The following C9 variants were observed in gnomAD, a reference collection of about 807,000 sequenced individuals.
The protein encoded by C9 is complement C9.
A neutral mutation model predicts 65.4 loss-of-function variants in C9; 63 were observed. That is an observed-to-expected ratio of 0.96 (90% CI 0.79 to 1.19). The LOEUF (loss-of-function observed/expected upper bound fraction) is 1.19. Among genes scored for constraint, C9 ranks in the 50% most tolerant of loss-of-function variants. The pLI, the probability that C9 is intolerant of heterozygous loss-of-function variation, is 0.00. For synonymous variants in C9, 229 were observed against 227.9 expected, an observed-to-expected ratio of 1.00 and a Z score of -0.04; for missense variants, 744 against 670.1, an observed-to-expected ratio of 1.11 and a Z score of -1.22.
chr5:39,314,492 A>T (rs967798777), intron 6 of C9, among the ~76,000 whole-genome samples: 5 of 151,786 alleles, frequency 3.3e-5, no homozygotes, highest in Non-Finnish European at 2.9e-5. Context: ...TTAAAATTAA[A>T]AACCCTCAAG....
intron 4 of C9, among the ~76,000 whole-genome samples, chr5:39,333,881 C>T (rs191487519): frequency 7.2e-5 from 11 of 152,290 alleles, no homozygotes; most frequent in East Asian, 3.9e-4. Context: ...CCTGAGTTGC[C>T]GGGATTGCAG....
chr5:39,341,575 A>C lies in C9; in HGVS notation c.309T>G (p.Asn103Lys). 1 of 1,614,066 alleles carries C rather than the reference A, an allele frequency of 6.2e-7. No homozygotes were observed. Residue 103 changes from asparagine (N) to lysine (K), a missense_variant, in exon 3 of 11, where the codon AAT (asparagine) becomes AAG (lysine). Asn to Lys is a moderately conservative substitution (Grantham distance 94). Coordinates refer to ENST00000263408, the MANE Select transcript of C9 (RefSeq NM_001737.5). ...GATTACCTGTACTGCATTGAAAGTC[A>C]TTTCCGCAGTCATCCTCAGCATCCT... ...PCEDAEDDCGNDFQCSTGRCI... is the reference protein window; with the variant it reads ...PCEDAEDDCGKDFQCSTGRCI...
intron 8 of C9, among the ~76,000 whole-genome samples, chr5:39,307,163 T>A (rs543415617): frequency 8.2e-4 from 125 of 152,308 alleles, no homozygotes; most frequent in African/African-American, 2.8e-3. Flanking sequence ...ATTGTGTACA[T>A]TTGCTTTGAT....
At chr5:39,354,093 T>C (rs1754373914) in intron 1 of C9, among the ~76,000 whole-genome samples, 1 of 152,212 alleles carries the variant, frequency 6.6e-6, no homozygotes, top group Non-Finnish European at 1.5e-5. Context: ...AGCTTCATCT[T>C]CTAAAATTGC....
intron 5 of C9, among the ~76,000 whole-genome samples, chr5:39,329,831 G>A (rs1256426003): frequency 6.6e-6 from 1 of 152,140 alleles, no homozygotes; most frequent in Non-Finnish European, 1.5e-5. Flanking sequence ...ATTTCATTAA[G>A]TAGTAGGAAT....
intron 1 of C9, among the ~76,000 whole-genome samples, chr5:39,348,877 T>C (rs1754262727): frequency 6.6e-6 from 1 of 152,154 alleles, no homozygotes; most frequent in African/African-American, 2.4e-5. Flanking sequence ...TGTAGGGACA[T>C]GGATAAAGCT....
In C9 at chr5:39,341,648, G is replaced by C; in HGVS notation, c.236C>G (p.Thr79Ser). 1 of 1,613,730 alleles carries C rather than the reference G, an allele frequency of 6.2e-7. No individual in the cohort carries two copies. The highest frequency in any genetic ancestry group is 1.7e-5 in the Admixed American group (1 of 60,014). ...CTGTCGTCTGTCTCCCACAGCGTCG[G>C]TGCATCTTTTCCCATTAAATTGTCC... is the stretch of plus-strand genomic sequence containing the variant. ...VFGQFNGKRC[T>S]DAVGDRRQCV... is the part of the protein sequence containing the mutation. The change falls in exon 3 of 11, where the codon ACC (threonine) becomes AGC (serine). Residue 79 changes from threonine (T) to serine (S), a missense_variant. By Grantham distance (58) the Thr-to-Ser change is moderately conservative. Coordinates refer to ENST00000263408, the MANE Select transcript of C9 (RefSeq NM_001737.5).
chr5:39,290,787 A>G (rs998851862), intron 9 of C9, among the ~76,000 whole-genome samples: 3 of 151,856 alleles, frequency 2.0e-5, no homozygotes, highest in African/African-American at 7.2e-5. Flanking sequence ...AGAGCAACAC[A>G]TTACTGAGCT....
At chr5:39,349,652 C>T (rs1156493057) in intron 1 of C9, among the ~76,000 whole-genome samples, 1 of 152,318 alleles carries the variant, frequency 6.6e-6, no homozygotes, top group African/African-American at 2.4e-5. Context: ...GCCCTGTGAA[C>T]GCTGCTCTTG....
intron 4 of C9, among the ~76,000 whole-genome samples, chr5:39,335,055 C>A (rs1753937166): frequency 6.6e-6 from 1 of 151,722 alleles, no homozygotes; most frequent in Non-Finnish European, 1.5e-5. Context: ...CACAAGCTCT[C>A]CACCAGTAAG....
At chr5:39,336,524 T>A (rs1753968940) in intron 4 of C9, among the ~76,000 whole-genome samples, 1 of 152,152 alleles carries the variant, frequency 6.6e-6, no homozygotes, top group African/African-American at 2.4e-5. Context: ...CTTAAATTTT[T>A]AAAAATCATT....
chr5:39,294,484 G>C (rs1456082085), intron 9 of C9, among the ~76,000 whole-genome samples: 1 of 151,756 alleles, frequency 6.6e-6, no homozygotes, highest in African/African-American at 2.4e-5. Flanking sequence ...TAAATTTCTA[G>C]ACACATACAA....
At chr5:39,316,135 G>T in intron 5 of C9, 106 bp from the exon 6 acceptor site, 1 of 935,530 alleles carries the variant, frequency 1.1e-6, no homozygotes, top group Non-Finnish European at 1.6e-6. Context: ...AAAGGCAGTA[G>T]AACAAAGGAG....
chr5:39,360,710 A>G (rs893508498), intron 1 of C9, among the ~76,000 whole-genome samples: 12 of 152,214 alleles, frequency 7.9e-5, no homozygotes, highest in African/African-American at 2.9e-4. Flanking sequence ...ATCTGACTCA[A>G]TAAGAGAAAG....
At chr5:39,298,209 A>C (rs1420556274) in intron 9 of C9, among the ~76,000 whole-genome samples, 1 of 151,672 alleles carries the variant, frequency 6.6e-6, no homozygotes, top group Non-Finnish European at 1.5e-5. Flanking sequence ...CCTATATTAG[A>C]CAAGAAAAAA....
intron 1 of C9, among the ~76,000 whole-genome samples, chr5:39,355,566 T>C (rs962595366): frequency 6.6e-6 from 1 of 152,156 alleles, no homozygotes; most frequent in Non-Finnish European, 1.5e-5. Flanking sequence ...TTGAATTCAT[T>C]CTTTGAATGA....
chr5:39,292,622 T>A (rs973905199), intron 9 of C9, among the ~76,000 whole-genome samples: 1 of 151,776 alleles, frequency 6.6e-6, no homozygotes, highest in African/African-American at 2.4e-5. Context: ...ACATATATTA[T>A]CTACAGCAAA....
chr5:39,344,688 C>T lies in C9; in HGVS notation c.78-2492G>A, dbSNP rs184211858. ...TACAGAGAATGCCACAAAGATACTC[C>T]TCGAGAAGAGCAACTCCAAGACACA... is the stretch of plus-strand genomic sequence containing the variant. On this transcript the variant is annotated intron_variant, in intron 1 of 10. Transcript: ENST00000263408. Among the ~76,000 whole-genome samples, 17 of 152,254 alleles carry T rather than the reference C, an allele frequency of 1.1e-4. No homozygotes were observed. The East Asian group carries it at 2.9e-3, about 26-fold the overall frequency.
intron 5 of C9, among the ~76,000 whole-genome samples, chr5:39,327,842 G>C (rs1753777239): frequency 6.6e-6 from 1 of 152,152 alleles, no homozygotes; most frequent in South Asian, 2.1e-4. Flanking sequence ...ACTATTTAAG[G>C]ATTCTCCAAA....
Sources: allele counts gnomAD v4.1 joint callset (sites outside exome capture counted in the v4.1 genomes callset), GRCh38; gene constraint gnomAD v4.1.1; transcripts MANE v1.5; gene names NCBI Gene and HGNC (gene_info 2026-07-23, HGNC 2026-07-21).